The following CLASP2 variants were observed in gnomAD, a reference collection of about 807,000 sequenced individuals.
CLASP2 encodes CLIP-associating protein 2.
CLASP2 carries 47 observed loss-of-function variants against 194.4 expected under a neutral mutation model. That is an observed-to-expected ratio of 0.24 (90% confidence interval 0.19 to 0.31). The LOEUF (loss-of-function observed/expected upper bound fraction) is 0.31, where lower values mean the gene tolerates loss of function less well. Ranked by LOEUF, CLASP2 falls within the 10% of genes least tolerant of loss-of-function variation. The probability of loss-of-function intolerance (pLI) is 1.00; values close to 1 mark genes in which losing one functional copy is unlikely to be tolerated. For missense variants in CLASP2, 1,445 were observed against 1,823.6 expected (o/e 0.79, Z 3.78); for synonymous variants, 619 against 633.5 (o/e 0.98, Z 0.34).
intron 12 of CLASP2, among the ~76,000 whole-genome samples, chr3:33,617,833 C>A (rs1275949413): frequency 6.7e-6 from 1 of 149,846 alleles, no homozygotes; most frequent in East Asian, 1.9e-4. Flanking sequence ...TTATAAAATG[C>A]CAAAGATACT....
At chr3:33,594,162 C>G (rs190978365) in intron 20 of CLASP2, among the ~76,000 whole-genome samples, 35 of 152,230 alleles carry the variant, frequency 2.3e-4, no homozygotes, top group East Asian at 1.5e-3. Context: ...TGTTTTTATA[C>G]AGTATTCCAA....
intron 7 of CLASP2, among the ~76,000 whole-genome samples, chr3:33,653,341 T>C (rs1158308708): frequency 6.6e-6 from 1 of 151,688 alleles, no homozygotes; most frequent in Non-Finnish European, 1.5e-5. Context: ...AGCAGAAATA[T>C]AAAAGCACCA....
chr3:33,512,813 C>A (rs1185126479), intron 36 of CLASP2, among the ~76,000 whole-genome samples: 1 of 151,360 alleles, frequency 6.6e-6, no homozygotes, highest in Non-Finnish European at 1.5e-5. Context: ...CATGGTGAAA[C>A]CCTGTCTCCA....
At chr3:33,702,642 G>A (rs549879191) in intron 1 of CLASP2, among the ~76,000 whole-genome samples, 1 of 152,150 alleles carries the variant, frequency 6.6e-6, no homozygotes, top group East Asian at 1.9e-4. Flanking sequence ...AAAAAAACAC[G>A]ATGAAGAAAG....
intron 28 of CLASP2, 73 bp from the exon 29 acceptor site, chr3:33,559,458 C>T: frequency 1.3e-6 from 1 of 798,372 alleles, no homozygotes; most frequent in Non-Finnish European, 2.1e-6. Flanking sequence ...AAAGACTATG[C>T]TTAATACCAA....
chr3:33,515,980 A>T (rs1291156122), intron 36 of CLASP2, 43 bp downstream of exon 36: 1 of 1,557,142 alleles, frequency 6.4e-7, no homozygotes, highest in Admixed American at 2.0e-5. Flanking sequence ...ATGTTTCATG[A>T]AATAAAATAA....
At chr3:33,511,562 C>CTATT (rs1293906965) in intron 36 of CLASP2, among the ~76,000 whole-genome samples, 3 of 152,238 alleles carry the variant, frequency 2.0e-5, no homozygotes, top group Admixed American at 2.0e-4. Flanking sequence ...AGTTAACATA[C>CTATT]TATTCCTCCT....
chr3:33,703,993 C>T (rs1457366764), intron 1 of CLASP2, among the ~76,000 whole-genome samples: 2 of 152,156 alleles, frequency 1.3e-5, no homozygotes, highest in Non-Finnish European at 2.9e-5. Flanking sequence ...AGCCTGAAAA[C>T]GCTTCATACT....
chr3:33,664,944 T>C (rs894416329), intron 6 of CLASP2, among the ~76,000 whole-genome samples: 3 of 151,788 alleles, frequency 2.0e-5, no homozygotes, highest in East Asian at 1.9e-4. Context: ...CTACCAAAAA[T>C]ACAAAAATCA....
intron 26 of CLASP2, among the ~76,000 whole-genome samples, chr3:33,569,521 G>C (rs1457002444): frequency 6.6e-6 from 1 of 152,084 alleles, no homozygotes; most frequent in African/African-American, 2.4e-5. Flanking sequence ...CAGTTAATCT[G>C]TTCAGGATTT....
intron 13 of CLASP2, 29 bp from the exon 14 acceptor site, chr3:33,608,655 A>G (rs1201013355): frequency 1.3e-6 from 2 of 1,494,048 alleles, no homozygotes; most frequent in South Asian, 2.4e-5. Flanking sequence ...ATGATAACTA[A>G]ATGTTGTATT....
intron 23 of CLASP2, chr3:33,577,343 A>G (rs1017403836): frequency 2.4e-5 from 28 of 1,166,204 alleles, no homozygotes; most frequent in Non-Finnish European, 3.5e-5. Context: ...TCAGGCAAGG[A>G]GAGTTAGTTA....
In CLASP2 at chr3:33,633,364, T is replaced by C. The variant is rs571805556; in HGVS notation, c.863-993A>G. On this transcript the variant is annotated intron_variant, in intron 8 of 38. Transcript: ENST00000682230. Reference sequence around the variant, plus strand: ...GTGGGGCAGAGTACCCTAGAATTCTTGAGTTGAGACAAGAGAGGCTGACGC... The same window carrying C: ...GTGGGGCAGAGTACCCTAGAATTCTCGAGTTGAGACAAGAGAGGCTGACGC... 5.3e-5 allele frequency among the ~76,000 whole-genome samples: 8 copies of C among 152,188 alleles called. 1 individual carries two copies. In the East Asian group the frequency reaches 9.6e-4, roughly 18 times the overall value.
At chr3:33,656,530 T>C (rs577576809) in intron 7 of CLASP2, among the ~76,000 whole-genome samples, 2 of 152,170 alleles carry the variant, frequency 1.3e-5, no homozygotes, top group African/African-American at 4.8e-5. Flanking sequence ...CTGGTGGGAG[T>C]GTATGTGGTA....
chr3:33,549,450 T>A (rs537550238), intron 30 of CLASP2, among the ~76,000 whole-genome samples: 5 of 152,348 alleles, frequency 3.3e-5, no homozygotes, highest in Admixed American at 6.5e-5. Context: ...ATGTATTTCT[T>A]AGTGTATTTT....
chr3:33,596,555 A>C (rs751371051), intron 19 of CLASP2, 156 bp downstream of exon 19: 1 of 690,950 alleles, frequency 1.4e-6, no homozygotes, highest in Non-Finnish European at 2.5e-6. Context: ...CCCCAAATTC[A>C]TTCAGAGAAT....
intron 12 of CLASP2, 48 bp from the exon 13 acceptor site, chr3:33,612,119 T>C (rs2075297657): frequency 1.7e-6 from 2 of 1,163,748 alleles, no homozygotes; most frequent in South Asian, 2.7e-5. Context: ...ACACTTCATG[T>C]GGTCCTTTCT....
Position 33,619,731 on chromosome 3 carries a change from A to C in CLASP2, c.1189T>G (p.Ser397Ala), listed in dbSNP as rs2076810072. The C allele has an allele frequency of 6.3e-7, 1 of 1,586,538 alleles. No homozygotes were observed. The highest frequency in any genetic ancestry group is 8.6e-7 in the Non-Finnish European group (1 of 1,166,692). ...TCAAACTTGTTTCCCAAAACTGTTGAAAGGTGGCTACAAAGGAAGACAAAA... is the reference window on the plus strand; with the variant it reads ...TCAAACTTGTTTCCCAAAACTGTTGCAAGGTGGCTACAAAGGAAGACAAAA... ...REACITVAHL[S>A]TVLGNKFDHG... is the part of the protein sequence containing the mutation. Residue 397 changes from serine (S) to alanine (A), a missense_variant, in exon 12 of 39, where the codon TCA becomes GCA. Ser to Ala is a moderately conservative substitution (Grantham distance 99, BLOSUM62 1). Around this residue, in one of 4 missense-constraint regions of CLASP2, gnomAD observed 207 missense variants for 331.4 expected, o/e 0.62. Transcript: ENST00000682230.
chr3:33,613,341 CA>C (rs940432616), intron 12 of CLASP2, among the ~76,000 whole-genome samples: 2 of 152,134 alleles, frequency 1.3e-5, no homozygotes, highest in Non-Finnish European at 2.9e-5. Context: ...CCAAGATGGC[CA>C]AACCTTTATA....
Sources: allele counts gnomAD v4.1 joint callset (sites outside exome capture counted in the v4.1 genomes callset), GRCh38; gene constraint gnomAD v4.1.1; regional missense constraint gnomAD v4.1.1; transcripts MANE v1.5; gene names NCBI Gene and HGNC (gene_info 2026-07-23, HGNC 2026-07-21).